Variants in PTPRG observed in about 807,000 individuals in gnomAD.
PTPRG encodes the protein receptor-type tyrosine-protein phosphatase gamma.
PTPRG carries 102 observed loss-of-function variants against 165.3 expected under a neutral mutation model. The observed-to-expected ratio is 0.62, with a 90% CI of 0.53 to 0.73. The LOEUF (loss-of-function observed/expected upper bound fraction) is 0.73, where lower values mean the gene tolerates loss of function less well. Ranked by LOEUF, PTPRG falls within the 30% of genes least tolerant of loss-of-function variation. PTPRG has a pLI of 0.00. For missense variants in PTPRG, 1,866 were observed against 1,861.4 expected (o/e 1.00, Z -0.05); for synonymous variants, 675 against 669.5 (o/e 1.01, Z -0.13).
Position 61,723,464 on chromosome 3 carries a change from G to A in PTPRG, c.86-25414G>A, listed in dbSNP as rs151007149. On this transcript the variant is annotated intron_variant, in intron 1 of 29. Transcript: ENST00000474889. ...AAAGGGAAACCCCCATGGTTTCATT[G>A]TCTTTAAATATATATTTTCTCATGT... Among the ~76,000 whole-genome samples, 10 of 152,146 alleles carry A rather than the reference G, an allele frequency of 6.6e-5. No individual in the cohort carries two copies. In the East Asian group the frequency reaches 1.9e-3, roughly 29 times the overall value.
At chr3:61,564,196 G>A (rs1202374298) in intron 1 of PTPRG, among the ~76,000 whole-genome samples, 1 of 152,208 alleles carries the variant, frequency 6.6e-6, no homozygotes. Flanking sequence ...CTCCTTTCTA[G>A]TCTCCCCTGC....
chr3:61,565,539 C>T (rs569746093), intron 1 of PTPRG, among the ~76,000 whole-genome samples: 36 of 152,106 alleles, frequency 2.4e-4, no homozygotes, highest in African/African-American at 8.7e-4. Flanking sequence ...TTAATTGCCT[C>T]TGACACAGTA....
chr3:62,096,931 G>A (rs1057510336), intron 5 of PTPRG, among the ~76,000 whole-genome samples: 1 of 152,154 alleles, frequency 6.6e-6, no homozygotes, highest in Non-Finnish European at 1.5e-5. Context: ...TTCATTTGTA[G>A]TACAGAAGGA....
At chr3:61,914,988 T>C (rs982971511) in intron 2 of PTPRG, among the ~76,000 whole-genome samples, 1 of 152,242 alleles carries the variant, frequency 6.6e-6, no homozygotes, top group Non-Finnish European at 1.5e-5. Flanking sequence ...CCCAGCACTT[T>C]GGGAGGCCAA....
chr3:61,653,672 C>T (rs545819864), intron 1 of PTPRG, among the ~76,000 whole-genome samples: 36 of 152,194 alleles, frequency 2.4e-4, no homozygotes, highest in African/African-American at 7.5e-4. Context: ...CGTGCCCTGC[C>T]ATTTTCTCAG....
chr3:62,064,131 C>CT (rs138112872), intron 4 of PTPRG, among the ~76,000 whole-genome samples: 43,948 of 150,132 alleles, frequency 0.29, 7,626 homozygotes, highest in Middle Eastern at 0.46. Context: ...TCAAGGGAGA[C>CT]TTTTTTTCCG....
chr3:62,044,744 T>A (rs1438888122), intron 4 of PTPRG, among the ~76,000 whole-genome samples: 1 of 152,236 alleles, frequency 6.6e-6, no homozygotes, highest in Non-Finnish European at 1.5e-5. Flanking sequence ...TAATCTCAGA[T>A]ACGTCATTGC....
chr3:61,834,275 A>G (rs2036395604), intron 2 of PTPRG, among the ~76,000 whole-genome samples: 1 of 152,146 alleles, frequency 6.6e-6, no homozygotes. Flanking sequence ...GAATATTTAT[A>G]TTGTCAAGTT....
chr3:61,770,265 T>C (rs1242769303), intron 2 of PTPRG: 39 of 152,148 alleles, frequency 2.6e-4, no homozygotes. Context: ...CATTGTTTAA[T>C]GTGAATGAAT....
chr3:62,119,564 T>G (rs1252315372), intron 5 of PTPRG, among the ~76,000 whole-genome samples: 1 of 152,078 alleles, frequency 6.6e-6, no homozygotes, highest in Non-Finnish European at 1.5e-5. Context: ...GGCCCAGATC[T>G]GGGAGAGCTT....
intron 2 of PTPRG, among the ~76,000 whole-genome samples, chr3:61,808,111 T>C (rs1367562796): frequency 6.6e-6 from 1 of 152,244 alleles, no homozygotes; most frequent in African/African-American, 2.4e-5. Context: ...TAGGCATTAC[T>C]GAAATCCAGA....
intron 2 of PTPRG, among the ~76,000 whole-genome samples, chr3:61,773,654 A>G (rs1241681297): frequency 2.0e-5 from 3 of 152,160 alleles, no homozygotes; most frequent in Non-Finnish European, 4.4e-5. Context: ...TGAGGTTCAT[A>G]AAGAACTTGT....
chr3:62,264,632 C>T (rs552882320), intron 17 of PTPRG, among the ~76,000 whole-genome samples: 2 of 152,180 alleles, frequency 1.3e-5, no homozygotes, highest in Admixed American at 1.3e-4. Context: ...TACTTCATTC[C>T]TTTTTATGGC....
At chr3:61,794,773 T>G (rs1484195298) in intron 2 of PTPRG, among the ~76,000 whole-genome samples, 2 of 152,226 alleles carry the variant, frequency 1.3e-5, no homozygotes, top group Non-Finnish European at 2.9e-5. Context: ...ATTCCCTGAA[T>G]TGGTCTTCAA....
chr3:62,049,984 TA>T (rs1306193642), intron 4 of PTPRG, among the ~76,000 whole-genome samples: 2 of 152,234 alleles, frequency 1.3e-5, no homozygotes, highest in African/African-American at 2.4e-5. Flanking sequence ...AGGAAATTCT[TA>T]AAGCTACCAG....
rs1479562397 is a variant in PTPRG, at chr3:62,003,280, G to T, written c.371-69G>T. On this transcript the variant is annotated intron_variant, in intron 3 of 29. Coordinates refer to ENST00000474889, the MANE Select transcript of PTPRG (RefSeq NM_002841.4). ...ATGGTAATGGTGAACTTTATTAGAAGTAACAGAAAAACTCCATTTGGTTTT... is the reference window on the plus strand; with the variant it reads ...ATGGTAATGGTGAACTTTATTAGAATTAACAGAAAAACTCCATTTGGTTTT... 15 of 1,521,368 alleles carry T rather than the reference G, an allele frequency of 9.9e-6. No individual in the cohort carries two copies. The South Asian group carries it at 1.8e-4, about 18-fold the overall frequency. The allele number at this position is 1,521,368 out of a possible 1,614,324, so 94.2% of individuals were successfully genotyped here.
Position 61,562,199 on chromosome 3 carries a change from C to T in PTPRG, c.-89C>T, listed in dbSNP as rs2106745653. On this transcript the variant is annotated 5_prime_UTR_variant, in exon 1 of 30. Transcript: ENST00000474889. ...TGGAGCGGGCGAGCCGGGGAAGCGC[C>T]CCGGCTTAGCGGAGGCTCGCACGGA... The T allele has an allele frequency of 7.8e-7, 1 of 1,275,482 alleles. No individual in the cohort carries two copies. Among genetic ancestry groups the T allele is most frequent in the South Asian group, 1.2e-5 (1 of 81,688 alleles). The allele number at this position is 1,275,482 out of a possible 1,614,324, so 79.0% of individuals were successfully genotyped here. A position where few individuals can be genotyped will look rare whatever the true frequency, so the allele number is the denominator to read the frequency against.
chr3:61,776,582 C>G (rs2034389373), intron 2 of PTPRG, among the ~76,000 whole-genome samples: 1 of 151,894 alleles, frequency 6.6e-6, no homozygotes, highest in Non-Finnish European at 1.5e-5. Context: ...ACTTTCTGTC[C>G]TAGAACTTAT....
intron 1 of PTPRG, among the ~76,000 whole-genome samples, chr3:61,665,012 T>C (rs1355791681): frequency 1.3e-5 from 2 of 152,192 alleles, no homozygotes. Context: ...TTACTGTCTC[T>C]ATCAGTGTCA....
Sources: gnomAD v4.1 joint callset for allele counts (sites outside exome capture counted in the v4.1 genomes callset) on GRCh38, gnomAD v4.1.1 for gene constraint, MANE v1.5 for transcripts, NCBI Gene and HGNC (gene_info 2026-07-23, HGNC 2026-07-21) for gene names.